Variants in SUPT16H observed in about 807,000 individuals in gnomAD.
SUPT16H encodes SPT16 homolog, facilitates chromatin remodeling subunit.
SUPT16H carries 24 observed loss-of-function variants against 136.2 expected under a neutral mutation model. The ratio of observed to expected loss-of-function variants is 0.18; its 90% CI spans 0.13 to 0.25. SUPT16H has a LOEUF of 0.25. SUPT16H is among the 10% of genes least tolerant of loss of function. The pLI, the probability that SUPT16H is intolerant of heterozygous loss-of-function variation, is 1.00. For missense variants in SUPT16H, 623 were observed against 1,270.2 expected, an observed-to-expected ratio of 0.49 and a Z score of 7.74; for synonymous variants, 415 against 428.2, an observed-to-expected ratio of 0.97 and a Z score of 0.38.
rs1448676222 is a variant in SUPT16H at position 21,373,409 on chromosome 14, T to A, written c.88A>T (p.Asn30Tyr). 1.2e-6 allele frequency: 2 copies of A among 1,614,008 alleles called. No individual in the cohort carries two copies. Among genetic ancestry groups the A allele is most frequent in the Admixed American group, 1.7e-5 (1 of 60,004 alleles). The change falls in exon 2 of 26, where the codon AAC becomes TAC. Residue 30 changes from asparagine to tyrosine, a missense_variant. Asn to Tyr is a moderately radical substitution (Grantham distance 143, BLOSUM62 -2). Coordinates refer to ENST00000216297, the MANE Select transcript of SUPT16H (RefSeq NM_007192.4). ...ACTGATACAACAATGGCATCAACGT[T>A]GGCATACTCATCTTCTCCTTTCTGA... is the stretch of plus-strand genomic sequence containing the variant. ...NWRKGEDEYA[N>Y]VDAIVVSVGV... is the part of the protein sequence containing the mutation.
intron 1 of SUPT16H, among the ~76,000 whole-genome samples, chr14:21,373,829 G>C (rs986226269): frequency 1.2e-4 from 19 of 152,160 alleles, no homozygotes; most frequent in African/African-American, 4.1e-4. Context: ...CTGGGTTCAA[G>C]CAATTCTCCT....
Position 21,362,874 on chromosome 14 carries a change from T to G in SUPT16H, c.1585A>C (p.Ile529Leu). 6.2e-7 allele frequency: 1 copy of G among 1,614,080 alleles called. No individual in the cohort carries two copies. Among genetic ancestry groups the G allele is most frequent in the Non-Finnish European group, 8.5e-7 (1 of 1,180,010 alleles). The change falls in exon 14 of 26, where the codon ATC (isoleucine) becomes CTC (leucine). Residue 529 changes from isoleucine (I) to leucine (L), a missense_variant. Transcript: ENST00000216297. Reference protein sequence around the residue: ...PKEPHIREMKIYIDKKYETVI... With the variant: ...PKEPHIREMKLYIDKKYETVI... The stretch of plus-strand genomic sequence containing the variant: ...GTCTCATATTTCTTATCGATGTAGA[T>G]CTTCATTTCCCGAATATGTGGTTCC...
intron 1 of SUPT16H, among the ~76,000 whole-genome samples, chr14:21,381,448 C>T (rs1041890098): frequency 2.0e-5 from 3 of 152,064 alleles, no homozygotes; most frequent in Non-Finnish European, 4.4e-5. Flanking sequence ...ATTTGGACTG[C>T]TGGAACTACC....
chr14:21,359,466 A>G lies in SUPT16H; in HGVS notation c.2301+18T>C. 2 of 1,611,208 alleles carry G rather than the reference A, an allele frequency of 1.2e-6. No homozygotes were observed. The highest frequency in any genetic ancestry group is 1.7e-6 in the Non-Finnish European group (2 of 1,179,340). On this transcript the variant is annotated intron_variant, in intron 19 of 25. Coordinates refer to ENST00000216297, the MANE Select transcript of SUPT16H (RefSeq NM_007192.4). ...CCTCCCTCACTATCCTGCAAATACAATACTAAATTTCACAAACCTGCTCAG... is the reference window on the plus strand; with the variant it reads ...CCTCCCTCACTATCCTGCAAATACAGTACTAAATTTCACAAACCTGCTCAG...
At chr14:21,356,012 T>C (rs1886425858) in intron 22 of SUPT16H, among the ~76,000 whole-genome samples, 2 of 152,228 alleles carry the variant, frequency 1.3e-5, no homozygotes, top group South Asian at 2.1e-4. Context: ...CAAGGGTTAA[T>C]TGAACATTTG....
chr14:21,365,541 G>A (rs761746354), intron 8 of SUPT16H, among the ~76,000 whole-genome samples: 8 of 152,118 alleles, frequency 5.3e-5, no homozygotes, highest in Non-Finnish European at 8.8e-5. Flanking sequence ...AACCAGATTC[G>A]TAAGACTTGT....
chr14:21,369,118 G>A, intron 6 of SUPT16H, 86 bp downstream of exon 6: 1 of 1,476,110 alleles, frequency 6.8e-7, no homozygotes, highest in Non-Finnish European at 9.1e-7. Context: ...AAATTTCAGT[G>A]TACCCCACAA....
In SUPT16H at chr14:21,368,808, G is replaced by A. The variant is rs562819736; in HGVS notation, c.783-367C>T. On this transcript the variant is annotated intron_variant, in intron 6 of 25. Coordinates refer to ENST00000216297, the MANE Select transcript of SUPT16H (RefSeq NM_007192.4). ...TTGTAATTAGTCTTAAGTTAAATGA[G>A]CCAGACATAAAAGGACAAATACTGA... 7.9e-5 allele frequency among the ~76,000 whole-genome samples: 12 copies of A among 152,236 alleles called. No individual in the cohort carries two copies. The South Asian group carries it at 2.5e-3, about 32-fold the overall frequency.
chr14:21,382,124 G>C (rs1471063808), intron 1 of SUPT16H, among the ~76,000 whole-genome samples: 3 of 152,176 alleles, frequency 2.0e-5, no homozygotes, highest in African/African-American at 7.2e-5. Flanking sequence ...CATACACAAA[G>C]AACTTCTACA....
intron 1 of SUPT16H, among the ~76,000 whole-genome samples, chr14:21,379,149 T>A (rs1886966100): frequency 1.3e-5 from 2 of 151,984 alleles, no homozygotes; most frequent in African/African-American, 4.8e-5. Context: ...AAAGTAGAGA[T>A]CTAGGGCTGG....
intron 1 of SUPT16H, among the ~76,000 whole-genome samples, chr14:21,382,593 C>T (rs1335351571): frequency 1.3e-5 from 2 of 152,054 alleles, no homozygotes; most frequent in Non-Finnish European, 2.9e-5. Context: ...GAGAGGGCTT[C>T]GGATTTTTAG....
At chr14:21,356,796 G>A (rs1886444238) in intron 22 of SUPT16H, among the ~76,000 whole-genome samples, 1 of 152,144 alleles carries the variant, frequency 6.6e-6, no homozygotes, top group Non-Finnish European at 1.5e-5. Flanking sequence ...GATAATGGGT[G>A]AAGAGCAGAA....
At chr14:21,379,517 T>C (rs1413808567) in intron 1 of SUPT16H, among the ~76,000 whole-genome samples, 4 of 151,712 alleles carry the variant, frequency 2.6e-5, no homozygotes, top group Admixed American at 6.6e-5. Flanking sequence ...TCAATCCATC[T>C]GGGCATTTAT....
Position 21,378,253 on chromosome 14 carries a change from A to G in SUPT16H, c.67-4823T>C, listed in dbSNP as rs1886947458. Among the ~76,000 whole-genome samples, 4 of 152,184 alleles carry G rather than the reference A, an allele frequency of 2.6e-5. No homozygotes were observed. The South Asian group carries it at 8.3e-4, about 31-fold the overall frequency. ...GAGAAATTTAGAATAAAAGACTGGT[A>G]ACATTATAATAGATTTATTGGAAAA... On this transcript the variant is annotated intron_variant, in intron 1 of 25. Transcript: ENST00000216297.
At chr14:21,366,879 A>C (rs1200225514) in intron 7 of SUPT16H, among the ~76,000 whole-genome samples, 1 of 151,974 alleles carries the variant, frequency 6.6e-6, no homozygotes, top group Non-Finnish European at 1.5e-5. Flanking sequence ...ACTGGACTCA[A>C]GCAATCCTCC....
At chr14:21,359,815 T>A (rs1288297915) in intron 18 of SUPT16H, among the ~76,000 whole-genome samples, 1 of 152,214 alleles carries the variant, frequency 6.6e-6, no homozygotes, top group Non-Finnish European at 1.5e-5. Flanking sequence ...ACAGGAACTT[T>A]GGAAATCATG....
chr14:21,381,794 T>TG, intron 1 of SUPT16H, among the ~76,000 whole-genome samples: 1 of 150,550 alleles, frequency 6.6e-6, no homozygotes, highest in East Asian at 1.9e-4. Context: ...GCCTTTTTTT[T>TG]TTTTTTGTAG....
rs1886716429 is a variant in SUPT16H at position 21,368,414 on chromosome 14, A to G, written c.810T>C (p.Ala270=). 4 of 1,613,274 alleles carry G rather than the reference A, an allele frequency of 2.5e-6. No homozygotes were observed. Among genetic ancestry groups the G allele is most frequent in the Non-Finnish European group, 3.4e-6 (4 of 1,179,764 alleles). The change falls in exon 7 of 26, where the codon GCT becomes GCC. Residue 270 remains alanine (A), a synonymous_variant. Coordinates refer to ENST00000216297, the MANE Select transcript of SUPT16H (RefSeq NM_007192.4). ...AGCGAATACCCATGGCACAAGTGAT[A>G]GCCCCAAAGTGCATATGATTCTTGT... ...VSDKNHMHFG[A]ITCAMGIRFK...
In SUPT16H at chr14:21,360,742, G is replaced by A. The variant is rs1034299431; in HGVS notation, c.2056+104C>T. On this transcript the variant is annotated intron_variant, in intron 17 of 25. Coordinates refer to ENST00000216297, the MANE Select transcript of SUPT16H (RefSeq NM_007192.4). ...TTAGCACCATGCTTTAACCAACTGAGCTAACCGGCGGATGGCTCTTTGTCA... is the reference window on the plus strand; with the variant it reads ...TTAGCACCATGCTTTAACCAACTGAACTAACCGGCGGATGGCTCTTTGTCA... 5 of 1,499,624 alleles carry A rather than the reference G, an allele frequency of 3.3e-6. No homozygotes were observed. The African/African-American group carries it at 7.0e-5, about 21-fold the overall frequency. 92.9% of individuals were successfully genotyped at this position (1,499,624 alleles called of 1,614,324 possible).
Sources: gnomAD v4.1 joint callset for allele counts (sites outside exome capture counted in the v4.1 genomes callset) on GRCh38, gnomAD v4.1.1 for gene constraint, MANE v1.5 for transcripts, NCBI Gene and HGNC (gene_info 2026-07-23, HGNC 2026-07-21) for gene names.